TMEM44: variants seen among roughly 807,000 people sequenced by gnomAD.
The protein encoded by TMEM44 is transmembrane protein 44.
In TMEM44, 43 loss-of-function variants were observed where a neutral mutation model predicts 47.8. The observed-to-expected ratio is 0.90, with a 90% confidence interval of 0.70 to 1.16. The LOEUF is 1.16. Ranked by LOEUF, TMEM44 falls within the 50% of genes most tolerant of loss-of-function variation. The probability of loss-of-function intolerance (pLI) is 0.00; values close to 1 mark genes in which losing one functional copy is unlikely to be tolerated. For synonymous variants in TMEM44, 277 were observed against 238.8 expected (o/e 1.16, Z -1.48); for missense variants, 568 against 555.2 (o/e 1.02, Z -0.23).
In TMEM44 at chr3:194,631,303, T is replaced by C. The variant is rs190446904; in HGVS notation, c.137+1776A>G. 6.2e-4 allele frequency among the ~76,000 whole-genome samples: 94 copies of C among 152,252 alleles called. 1 individual carries two copies. The South Asian group carries it at 0.017, about 27-fold the overall frequency. ...GTCGTACCTGCCTCCTTGCTACATTTCTCTGGAGACACCGAGACAGGGTGG... is the reference window on the plus strand; with the variant it reads ...GTCGTACCTGCCTCCTTGCTACATTCCTCTGGAGACACCGAGACAGGGTGG... On this transcript the variant is annotated intron_variant, in intron 1 of 9. Coordinates refer to ENST00000347147, the MANE Select transcript of TMEM44 (RefSeq NM_001011655.3).
chr3:194,617,614 A>G, intron 5 of TMEM44: 1 of 701,756 alleles, frequency 1.4e-6, no homozygotes, highest in Non-Finnish European at 2.6e-6. Flanking sequence ...AGAGCTCCTG[A>G]GGGCTGGGCA....
rs75334935 is a variant in TMEM44 at position 194,595,628 on chromosome 3, T to G, written c.1177-6989A>C. Among the ~76,000 whole-genome samples the G allele has an allele frequency of 1.5e-3, 164 of 107,096 alleles. 1 individual carries two copies. Among genetic ancestry groups the G allele is most frequent in the African/African-American group, 4.7e-3 (152 of 32,618 alleles). The allele number at this position is 107,096 out of a possible 152,430, so 70.3% of individuals were successfully genotyped here. A position where few individuals can be genotyped will look rare whatever the true frequency, so the allele number is the denominator to read the frequency against. ...ACCAGCTTCAGTTCTCATTCTCTATTTTTTTTTTTTTTTTTGAGATGGAGT... is the reference window on the plus strand; with the variant it reads ...ACCAGCTTCAGTTCTCATTCTCTATGTTTTTTTTTTTTTTTGAGATGGAGT... On this transcript the variant is annotated intron_variant, in intron 9 of 9. Transcript: ENST00000347147.
chr3:194,616,612 C>T lies in TMEM44; in HGVS notation c.783+487G>A, dbSNP rs371256794. 8.7e-4 allele frequency: 399 copies of T among 456,702 alleles called. 3 individuals carry two copies. Among genetic ancestry groups the T allele is most frequent in the African/African-American group, 7.2e-3 (363 of 50,186 alleles). The allele number at this position is 456,702 out of a possible 1,614,324, so 28.3% of individuals were successfully genotyped here. A position where few individuals can be genotyped will look rare whatever the true frequency, so the allele number is the denominator to read the frequency against. On this transcript the variant is annotated intron_variant, in intron 6 of 9. Coordinates refer to ENST00000347147, the MANE Select transcript of TMEM44 (RefSeq NM_001011655.3). The stretch of plus-strand genomic sequence containing the variant: ...GCTGGAAGAGGCAAGCGAAGATTCC[C>T]CTCTTAGCGCCTGCAGACGGCGTGG...
In TMEM44 at chr3:194,632,973, C is replaced by A; in HGVS notation, c.137+106G>T. ...ATTGGATCCTATTACTGAGCCATCT[C>A]CTTCATCCCCCTTTCCGCCCCCTCC... On this transcript the variant is annotated intron_variant, in intron 1 of 9. Coordinates refer to ENST00000347147, the MANE Select transcript of TMEM44 (RefSeq NM_001011655.3). The A allele has an allele frequency of 2.1e-6, 3 of 1,448,886 alleles. No homozygotes were observed. In the East Asian group the frequency reaches 8.1e-5, roughly 39 times the overall value. The allele number at this position is 1,448,886 out of a possible 1,614,324, so 89.8% of individuals were successfully genotyped here.
chr3:194,601,982 C>T (rs1346086283), intron 9 of TMEM44, among the ~76,000 whole-genome samples: 1 of 152,156 alleles, frequency 6.6e-6, no homozygotes, highest in African/African-American at 2.4e-5. Context: ...CCTGAGTCAC[C>T]AACTTCACTG....
intron 3 of TMEM44, among the ~76,000 whole-genome samples, chr3:194,625,176 C>T (rs1288785585): frequency 6.6e-6 from 1 of 152,232 alleles, no homozygotes; most frequent in Non-Finnish European, 1.5e-5. Flanking sequence ...CATCCACTTC[C>T]AGTAGCTGTG....
At chr3:194,605,479 A>G (rs1189271126) in intron 8 of TMEM44, among the ~76,000 whole-genome samples, 2 of 152,230 alleles carry the variant, frequency 1.3e-5, no homozygotes, top group Admixed American at 6.5e-5. Flanking sequence ...GAGGCCTCAC[A>G]ATCACGGCAG....
At chr3:194,614,293 G>A (rs140314232) in intron 7 of TMEM44, among the ~76,000 whole-genome samples, 178 of 152,304 alleles carry the variant, frequency 1.2e-3, no homozygotes, top group African/African-American at 4.1e-3. Flanking sequence ...ATGTAGCTGG[G>A]CATGACGACA....
intron 1 of TMEM44, among the ~76,000 whole-genome samples, chr3:194,630,673 T>C (rs1216257732): frequency 7.6e-6 from 1 of 131,768 alleles, no homozygotes; most frequent in Non-Finnish European, 1.6e-5. Context: ...AGGGGCTGGC[T>C]GTTTCCATCG....
At chr3:194,632,357 T>C (rs1717913449) in intron 1 of TMEM44, among the ~76,000 whole-genome samples, 1 of 152,216 alleles carries the variant, frequency 6.6e-6, no homozygotes, top group Admixed American at 6.5e-5. Context: ...CCAGGGGTGC[T>C]GGTCCTTTCT....
rs377272954 is a variant in TMEM44 at position 194,623,320 on chromosome 3, C to T, written c.526-10G>A. ...GGATCTCAGTATTTTCCTGCAAGAA[C>T]GAACAGGTGATCCACCATCAGTACT... On this transcript the variant is annotated splice_polypyrimidine_tract_variant and intron_variant, in intron 4 of 9. Transcript: ENST00000347147. 58 of 1,597,670 alleles carry T rather than the reference C, an allele frequency of 3.6e-5. 1 individual carries two copies. The highest frequency in any genetic ancestry group is 4.8e-5 in the Non-Finnish European group (56 of 1,171,524).
At chr3:194,612,019 C>CAAA (rs1715375327) in intron 7 of TMEM44, among the ~76,000 whole-genome samples, 1 of 96,626 alleles carries the variant, frequency 1.0e-5, no homozygotes, top group African/African-American at 4.5e-5. Flanking sequence ...GACTCCGTCT[C>CAAA]AAAAATAAAT....
chr3:194,613,269 C>G (rs1221587082), intron 7 of TMEM44, among the ~76,000 whole-genome samples: 1 of 152,130 alleles, frequency 6.6e-6, no homozygotes, highest in Non-Finnish European at 1.5e-5. Context: ...CCTCCGCCTC[C>G]TGGGTTCAAG....
At position 194,588,292 on chromosome 3, in the gene TMEM44, A is replaced by G; in HGVS notation, c.*237T>C. 1 of 494,244 alleles carries G rather than the reference A, an allele frequency of 2.0e-6. No homozygotes were observed. The highest frequency in any genetic ancestry group is 3.6e-6 in the Non-Finnish European group (1 of 279,444). 30.6% of individuals were successfully genotyped at this position (494,244 alleles called of 1,614,324 possible). A position where few individuals can be genotyped will look rare whatever the true frequency, so the allele number is the denominator to read the frequency against. ...TCTTTACGAAGCAAAAGCTTCTGTG[A>G]ACTGTGATCTTCAGAACGAATGCTG... On this transcript the variant is annotated 3_prime_UTR_variant, in exon 10 of 10. Transcript: ENST00000347147.
At chr3:194,629,943 G>A (rs532437550) in intron 1 of TMEM44, among the ~76,000 whole-genome samples, 35 of 58,014 alleles carry the variant, frequency 6.0e-4, no homozygotes, top group Admixed American at 1.1e-3. Context: ...ACTGCCTCCC[G>A]AAGGGGCTGG....
At position 194,615,611 on chromosome 3, in the gene TMEM44, T is replaced by C; in HGVS notation, c.870A>G (p.Gln290=). 1 of 1,614,182 alleles carries C rather than the reference T, an allele frequency of 6.2e-7. No homozygotes were observed. Among genetic ancestry groups the C allele is most frequent in the Non-Finnish European group, 8.5e-7 (1 of 1,180,016 alleles). ...CTTTCTCTGCACAGGTCAAAAGGGC[T>C]TGGGTGTCAGGGCTCTCTCTGGCTT... ...AKEARESPDT[Q]ALLTCAEKEE... is the part of the protein sequence containing the mutation. Residue 290 remains glutamine, a synonymous_variant, in exon 7 of 10, where the codon CAA becomes CAG. Transcript: ENST00000347147.
In TMEM44 at chr3:194,605,808, G is replaced by T. The variant is rs956504833; in HGVS notation, c.1018-1363C>A. ...TAATCCCTGCTTTGCCTCCAGTGAG[G>T]GGGTGTCATGGGGCTCAGATGTAAA... On this transcript the variant is annotated intron_variant, in intron 8 of 9. Coordinates refer to ENST00000347147, the MANE Select transcript of TMEM44 (RefSeq NM_001011655.3). Among the ~76,000 whole-genome samples the T allele has an allele frequency of 3.3e-5, 5 of 152,262 alleles. No individual in the cohort carries two copies. In the East Asian group the frequency reaches 5.8e-4, roughly 18 times the overall value.
chr3:194,626,351 G>A (rs1006403133), intron 2 of TMEM44, among the ~76,000 whole-genome samples: 2 of 152,172 alleles, frequency 1.3e-5, no homozygotes, highest in Admixed American at 6.5e-5. Flanking sequence ...TCTGTAAAAC[G>A]AGCAAACTAA....
intron 9 of TMEM44, chr3:194,597,302 G>A (rs1713534485): frequency 6.6e-6 from 1 of 152,190 alleles, no homozygotes; most frequent in Non-Finnish European, 1.5e-5. Context: ...CACAAAGGTG[G>A]ACTGAACCTT....
Sources: allele counts gnomAD v4.1 joint callset (sites outside exome capture counted in the v4.1 genomes callset), GRCh38; gene constraint gnomAD v4.1.1; transcripts MANE v1.5; gene names NCBI Gene and HGNC (gene_info 2026-07-23, HGNC 2026-07-21).